NALF1: variants seen among roughly 807,000 people sequenced by gnomAD.
The protein encoded by NALF1 is NALCN channel auxiliary factor 1, also known as family with sequence similarity 155 member A.
In NALF1, 3 loss-of-function variants were observed where a neutral mutation model predicts 48.4. The ratio of observed to expected loss-of-function variants is 0.06; its 90% CI spans 0.03 to 0.16. The LOEUF (loss-of-function observed/expected upper bound fraction) is 0.16. Among genes scored for constraint, NALF1 ranks in the 10% least tolerant of loss-of-function variants. NALF1 has a pLI of 1.00. For synonymous variants in NALF1, 262 were observed against 245.7 expected, an observed-to-expected ratio of 1.07 and a Z score of -0.62; for missense variants, 526 against 571.5, an observed-to-expected ratio of 0.92 and a Z score of 0.81.
chr13:107,595,839 C>T (rs1878729828), intron 1 of NALF1, among the ~76,000 whole-genome samples: 1 of 152,076 alleles, frequency 6.6e-6, no homozygotes, highest in African/African-American at 2.4e-5. Flanking sequence ...AATAGATGAT[C>T]ATGTGATCTC....
chr13:107,552,004 T>C (rs1193395467), intron 1 of NALF1, among the ~76,000 whole-genome samples: 1 of 152,132 alleles, frequency 6.6e-6, no homozygotes, highest in Non-Finnish European at 1.5e-5. Context: ...AACATCTTCT[T>C]CAAAGTGTCA....
intron 1 of NALF1, chr13:107,788,237 C>G (rs1473771317): frequency 6.6e-6 from 1 of 152,156 alleles, no homozygotes; most frequent in Non-Finnish European, 1.5e-5. Flanking sequence ...GTAACAGCCT[C>G]CCAGTTATTA....
chr13:107,358,247 G>A (rs1057475507), intron 1 of NALF1, among the ~76,000 whole-genome samples: 2 of 151,756 alleles, frequency 1.3e-5, no homozygotes, highest in African/African-American at 2.4e-5. Context: ...AGACAATTTC[G>A]ACTGATTCTT....
rs1876550769 is a variant in NALF1 at position 107,739,075 on chromosome 13, C to T, written c.915+126607G>A. On this transcript the variant is annotated intron_variant, in intron 1 of 2. Coordinates refer to ENST00000375915, the MANE Select transcript of NALF1 (RefSeq NM_001080396.3). Reference sequence around the variant, plus strand: ...TAATACAGGGACAGAAAACCAAACACCGCATGTTCCACTCATAAGTGGGAG... The same window carrying T: ...TAATACAGGGACAGAAAACCAAACATCGCATGTTCCACTCATAAGTGGGAG... Among the ~76,000 whole-genome samples the T allele has an allele frequency of 3.3e-5, 5 of 152,098 alleles. 1 individual carries two copies. The South Asian group carries it at 1.0e-3, about 32-fold the overall frequency.
chr13:107,354,572 C>A (rs994054676), intron 1 of NALF1, among the ~76,000 whole-genome samples: 7 of 152,126 alleles, frequency 4.6e-5, no homozygotes, highest in African/African-American at 1.4e-4. Context: ...CGCCCCCGAA[C>A]AATAGGTATT....
At chr13:107,753,188 T>C (rs757343001) in intron 1 of NALF1, among the ~76,000 whole-genome samples, 3 of 152,232 alleles carry the variant, frequency 2.0e-5, no homozygotes, top group Non-Finnish European at 4.4e-5. Flanking sequence ...ATCTGTCCAC[T>C]CATCCACAGG....
intron 1 of NALF1, among the ~76,000 whole-genome samples, chr13:107,284,410 C>T (rs1395441944): frequency 6.6e-6 from 1 of 152,022 alleles, no homozygotes; most frequent in Non-Finnish European, 1.5e-5. Context: ...AAGGAACTTA[C>T]CAGCCAAAGA....
intron 1 of NALF1, among the ~76,000 whole-genome samples, chr13:107,504,250 CA>C (rs769667553): frequency 0.074 from 5,283 of 71,686 alleles, 104 homozygotes; most frequent in African/African-American, 0.13. Flanking sequence ...GGCCCTATCT[CA>C]AAAAAAAAAA....
intron 1 of NALF1, among the ~76,000 whole-genome samples, chr13:107,533,580 GTA>G (rs1337388307): frequency 6.6e-6 from 1 of 152,072 alleles, no homozygotes; most frequent in Non-Finnish European, 1.5e-5. Context: ...ACAGTGTATG[GTA>G]TTTTGCTACA....
chr13:107,784,232 G>A (rs1051924278), intron 1 of NALF1, among the ~76,000 whole-genome samples: 2 of 152,212 alleles, frequency 1.3e-5, no homozygotes, highest in Non-Finnish European at 1.5e-5. Context: ...TCAGTGATGG[G>A]TCTCAAGTAG....
chr13:107,852,000 T>C (rs1487686462), intron 1 of NALF1, among the ~76,000 whole-genome samples: 1 of 150,914 alleles, frequency 6.6e-6, no homozygotes, highest in Non-Finnish European at 1.5e-5. Context: ...GGGGGTGTCA[T>C]TATGTTGCCC....
At chr13:107,819,857 T>C (rs1349140326) in intron 1 of NALF1, among the ~76,000 whole-genome samples, 2 of 152,066 alleles carry the variant, frequency 1.3e-5, no homozygotes, top group Non-Finnish European at 2.9e-5. Flanking sequence ...TACCTTGTAG[T>C]AGCGCTTGCC....
chr13:107,292,401 T>C (rs2138883785), intron 1 of NALF1, among the ~76,000 whole-genome samples: 1 of 152,356 alleles, frequency 6.6e-6, no homozygotes, highest in East Asian at 1.9e-4. Context: ...TAATAACACT[T>C]GGCTTAAAAC....
intron 1 of NALF1, among the ~76,000 whole-genome samples, chr13:107,541,482 GAGA>G (rs1395632676): frequency 2.0e-5 from 3 of 152,136 alleles, no homozygotes; most frequent in Non-Finnish European, 2.9e-5. Flanking sequence ...AAAAGAGAAA[GAGA>G]AGGAGAGAGG....
rs9587330 is a variant in NALF1, at chr13:107,268,234, C to T, written c.916-57479G>A. On this transcript the variant is annotated intron_variant, in intron 1 of 2. Coordinates refer to ENST00000375915, the MANE Select transcript of NALF1 (RefSeq NM_001080396.3). ...CAATCTCTTGACCTCATGTTCTGGCCGCCTCGGCCTCCCAAAGTGCCAGGA... is the reference window on the plus strand; with the variant it reads ...CAATCTCTTGACCTCATGTTCTGGCTGCCTCGGCCTCCCAAAGTGCCAGGA... 5.7e-3 allele frequency among the ~76,000 whole-genome samples: 862 copies of T among 152,036 alleles called. 6 individuals are homozygous for T. The highest frequency in any genetic ancestry group is 0.019 in the African/African-American group (800 of 41,438).
At chr13:107,357,394 C>G (rs116202207) in intron 1 of NALF1, among the ~76,000 whole-genome samples, 2 of 152,210 alleles carry the variant, frequency 1.3e-5, no homozygotes, top group Admixed American at 1.3e-4. Flanking sequence ...CCACTTGGTC[C>G]CTCCCCTGAC....
At chr13:107,401,688 CT>C (rs1191739977) in intron 1 of NALF1, among the ~76,000 whole-genome samples, 16 of 101,444 alleles carry the variant, frequency 1.6e-4, no homozygotes, top group African/African-American at 6.7e-4. Flanking sequence ...ATAGTTGTTA[CT>C]TTGAAAAAAA....
intron 1 of NALF1, among the ~76,000 whole-genome samples, chr13:107,633,137 T>G (rs929643755): frequency 5.3e-5 from 8 of 152,106 alleles, no homozygotes; most frequent in African/African-American, 1.9e-4. Context: ...AAGAGCGTAT[T>G]CAGATGAAAT....
intron 1 of NALF1, among the ~76,000 whole-genome samples, chr13:107,548,841 AT>A: frequency 6.6e-6 from 1 of 152,222 alleles, no homozygotes; most frequent in South Asian, 2.1e-4. Context: ...TGTATTATAC[AT>A]ATAAATAAAA....
Sources: allele counts gnomAD v4.1 joint callset (sites outside exome capture counted in the v4.1 genomes callset), GRCh38; gene constraint gnomAD v4.1.1; transcripts MANE v1.5; gene names NCBI Gene and HGNC (gene_info 2026-07-23, HGNC 2026-07-21).